Variants in HIVEP3 observed in about 807,000 individuals in gnomAD.
The protein encoded by HIVEP3 is HIVEP zinc finger 3.
A neutral mutation model predicts 152.8 loss-of-function variants in HIVEP3; 49 were observed. The observed-to-expected ratio is 0.32, with a 90% CI of 0.26 to 0.41. The LOEUF (loss-of-function observed/expected upper bound fraction) is 0.41. Ranked by LOEUF, HIVEP3 falls within the 10% of genes least tolerant of loss-of-function variation. The probability of loss-of-function intolerance (pLI) is 1.00; values close to 1 mark genes in which losing one functional copy is unlikely to be tolerated. For synonymous variants in HIVEP3, 1,269 were observed against 1,289.0 expected (o/e 0.98, Z 0.33); for missense variants, 2,790 against 3,103.3 (o/e 0.90, Z 2.40).
At chr1:41,786,754 CTT>C (rs111637699) in intron 1 of HIVEP3, among the ~76,000 whole-genome samples, 42 of 140,800 alleles carry the variant, frequency 3.0e-4, no homozygotes, top group Non-Finnish European at 2.3e-4. Context: ...AATTTTCTTT[CTT>C]TTTTTTTTTT....
At chr1:41,593,562 CTTGAAGCT>C (rs921033410) in intron 3 of HIVEP3, among the ~76,000 whole-genome samples, 10 of 152,196 alleles carry the variant, frequency 6.6e-5, no homozygotes, top group African/African-American at 2.4e-4. Flanking sequence ...GGGGATACAC[CTTGAAGCT>C]TTTCATGGGG....
At chr1:41,596,380 CATAG>C (rs927214684) in intron 3 of HIVEP3, among the ~76,000 whole-genome samples, 11 of 152,208 alleles carry the variant, frequency 7.2e-5, no homozygotes, top group African/African-American at 2.7e-4. Flanking sequence ...ACCTAGAGTC[CATAG>C]ATAGCCTGTG....
intron 1 of HIVEP3, among the ~76,000 whole-genome samples, chr1:41,755,823 C>T (rs573219415): frequency 1.3e-5 from 2 of 152,222 alleles, no homozygotes; most frequent in South Asian, 4.1e-4. Flanking sequence ...ACTGACAATA[C>T]CAAATGCTGG....
At position 41,588,498 on chromosome 1, in the gene HIVEP3, G is replaced by T. The variant is rs558999918; in HGVS notation, c.-521-3180C>A. 6.8e-4 allele frequency among the ~76,000 whole-genome samples: 104 copies of T among 152,282 alleles called. 1 individual carries two copies. Among genetic ancestry groups the T allele is most frequent in the Middle Eastern group, 3.4e-3 (1 of 294 alleles). ...GGTGGTGGAGCGCCCAGCAGCTGGG[G>T]TTTGGTGCAATTCCCAGGGCCAGGT... On this transcript the variant is annotated intron_variant, in intron 3 of 8. Transcript: ENST00000372583.
At chr1:41,780,678 C>T (rs1648992361) in intron 1 of HIVEP3, among the ~76,000 whole-genome samples, 1 of 152,150 alleles carries the variant, frequency 6.6e-6, no homozygotes, top group Admixed American at 6.5e-5. Flanking sequence ...CTGGAGGTGC[C>T]AGCTGACCCA....
chr1:41,974,520 C>CACACACAT (rs1645249089), intron 1 of HIVEP3, among the ~76,000 whole-genome samples: 1 of 151,616 alleles, frequency 6.6e-6, no homozygotes. Flanking sequence ...CACACACACA[C>CACACACAT]ACTGTATCCT....
At chr1:41,854,590 T>C (rs1643704778) in intron 1 of HIVEP3, among the ~76,000 whole-genome samples, 1 of 129,800 alleles carries the variant, frequency 7.7e-6, no homozygotes, top group Non-Finnish European at 1.6e-5. Flanking sequence ...TAGTTACATA[T>C]GTATACATGT....
intron 1 of HIVEP3, among the ~76,000 whole-genome samples, chr1:41,938,540 T>C (rs1365681879): frequency 1.3e-5 from 2 of 152,160 alleles, no homozygotes; most frequent in African/African-American, 4.8e-5. Context: ...TAATGCCATC[T>C]AGAACACTCA....
intron 1 of HIVEP3, among the ~76,000 whole-genome samples, chr1:41,912,093 T>C (rs1644804983): frequency 1.3e-5 from 2 of 152,142 alleles, no homozygotes; most frequent in African/African-American, 4.8e-5. Flanking sequence ...AATATATTGT[T>C]TAGGGATACA....
intron 1 of HIVEP3, among the ~76,000 whole-genome samples, chr1:41,894,610 C>A (rs1304369235): frequency 6.6e-6 from 1 of 152,160 alleles, no homozygotes; most frequent in Non-Finnish European, 1.5e-5. Flanking sequence ...AAACATGCAG[C>A]AACGCCAGAA....
intron 2 of HIVEP3, among the ~76,000 whole-genome samples, chr1:41,649,019 G>A (rs997456097): frequency 4.6e-5 from 7 of 152,310 alleles, no homozygotes; most frequent in East Asian, 1.9e-4. Context: ...GGATTTATTC[G>A]AGAAGGCATA....
chr1:41,822,065 C>T (rs941950052), intron 1 of HIVEP3, among the ~76,000 whole-genome samples: 2 of 152,150 alleles, frequency 1.3e-5, no homozygotes, highest in African/African-American at 4.8e-5. Context: ...TAATGTAGGG[C>T]TCAGTGAGGG....
chr1:41,646,569 C>T (rs757884709), intron 2 of HIVEP3, among the ~76,000 whole-genome samples: 3 of 152,196 alleles, frequency 2.0e-5, no homozygotes, highest in Non-Finnish European at 2.9e-5. Flanking sequence ...GGTCTATGAC[C>T]ACTTTCTTAC....
chr1:41,835,630 G>C (rs681511), intron 1 of HIVEP3, among the ~76,000 whole-genome samples: 117,242 of 152,138 alleles, frequency 0.77, 45,537 homozygotes, highest in East Asian at 1. Context: ...CAAACTGATG[G>C]ACAAAACCAA....
At chr1:41,716,611 C>G (rs931686705) in intron 1 of HIVEP3, among the ~76,000 whole-genome samples, 2 of 152,188 alleles carry the variant, frequency 1.3e-5, no homozygotes, top group African/African-American at 4.8e-5. Flanking sequence ...TCTGGACAGA[C>G]AGCATGCTTC....
chr1:41,673,835 G>A (rs765598423), intron 2 of HIVEP3, among the ~76,000 whole-genome samples: 5 of 152,198 alleles, frequency 3.3e-5, no homozygotes, highest in Non-Finnish European at 5.9e-5. Flanking sequence ...AGTCCTGGTG[G>A]TGAAGAGAGA....
Position 42,017,498 on chromosome 1 carries a change from C to T in HIVEP3, n.119+18309G>A, listed in dbSNP as rs576459249. Among the ~76,000 whole-genome samples, 3 of 152,206 alleles carry T rather than the reference C, an allele frequency of 2.0e-5. No individual in the cohort carries two copies. In the East Asian group the frequency reaches 5.8e-4, roughly 29 times the overall value. On this transcript the variant is annotated intron_variant and non_coding_transcript_variant, in intron 1 of 3. Coordinates refer to the HIVEP3 transcript ENST00000489103. ...ATTACCACCCCCAGGTAACCACTAT[C>T]CTGATTTCTATTACCAGAGATTAGT...
chr1:41,553,916 G>A (rs1318603108), intron 5 of HIVEP3, among the ~76,000 whole-genome samples: 1 of 152,088 alleles, frequency 6.6e-6, no homozygotes, highest in Non-Finnish European at 1.5e-5. Flanking sequence ...TTTCTCTCTG[G>A]CTGCCCTTAA....
At position 41,595,842 on chromosome 1, in the gene HIVEP3, G is replaced by A. The variant is rs146145123; in HGVS notation, c.-521-10524C>T. Among the ~76,000 whole-genome samples, 1,191 of 152,262 alleles carry A rather than the reference G, an allele frequency of 7.8e-3. 17 individuals are homozygous for A. Among genetic ancestry groups the A allele is most frequent in the African/African-American group, 0.027 (1,129 of 41,544 alleles). Reference sequence around the variant, plus strand: ...TGCTTCCTGCCCTCAAACATTGGACGCCAAGTTCTTCAGCTTTGGGACTCA... The same window carrying A: ...TGCTTCCTGCCCTCAAACATTGGACACCAAGTTCTTCAGCTTTGGGACTCA... On this transcript the variant is annotated intron_variant, in intron 3 of 8. Transcript: ENST00000372583.
Sources: gnomAD v4.1 joint callset for allele counts (sites outside exome capture counted in the v4.1 genomes callset) on GRCh38, gnomAD v4.1.1 for gene constraint, MANE v1.5 for transcripts, NCBI Gene and HGNC (gene_info 2026-07-23, HGNC 2026-07-21) for gene names.